CNTLN: variants seen among roughly 807,000 people sequenced by gnomAD.
CNTLN encodes centlein.
A neutral mutation model predicts 180.0 loss-of-function variants in CNTLN; 212 were observed. The observed-to-expected ratio is 1.18, with a 90% CI of 1.05 to 1.32. The LOEUF (loss-of-function observed/expected upper bound fraction) is 1.32, where lower values mean the gene tolerates loss of function less well. Ranked by LOEUF, CNTLN falls within the 40% of genes most tolerant of loss-of-function variation. The pLI is 0.00. For missense variants in CNTLN, 2,095 were observed against 1,610.9 expected, an observed-to-expected ratio of 1.30 and a Z score of -5.14; for synonymous variants, 722 against 563.1, an observed-to-expected ratio of 1.28 and a Z score of -3.99.
intron 5 of CNTLN, among the ~76,000 whole-genome samples, chr9:17,241,075 G>C (rs535250007): frequency 6.6e-6 from 1 of 152,102 alleles, no homozygotes; most frequent in Admixed American, 6.5e-5. Context: ...AGCCAGGATG[G>C]TCTCGATCTC....
At chr9:17,204,710 A>T (rs1376785319) in intron 2 of CNTLN, among the ~76,000 whole-genome samples, 1 of 152,142 alleles carries the variant, frequency 6.6e-6, no homozygotes, top group Non-Finnish European at 1.5e-5. Context: ...TTGCTGGGAG[A>T]ATCACTATTG....
intron 5 of CNTLN, among the ~76,000 whole-genome samples, chr9:17,260,394 A>T (rs920151054): frequency 6.6e-6 from 1 of 151,310 alleles, no homozygotes; most frequent in Non-Finnish European, 1.5e-5. Flanking sequence ...CTTTACTTCC[A>T]AATATGTGGC....
chr9:17,364,412 T>A, intron 12 of CNTLN, among the ~76,000 whole-genome samples: 1 of 152,236 alleles, frequency 6.6e-6, no homozygotes, highest in African/African-American at 2.4e-5. Flanking sequence ...TGGTATTATG[T>A]TATTATTATT....
At position 17,135,241 on chromosome 9, in the gene CNTLN, G is replaced by C. The variant is rs762108487; in HGVS notation, c.176G>C (p.Gly59Ala). 7 of 1,608,136 alleles carry C rather than the reference G, an allele frequency of 4.4e-6. No individual in the cohort carries two copies. The highest frequency in any genetic ancestry group is 5.9e-6 in the Non-Finnish European group (7 of 1,177,680). ...GACGAAAGTGATAAAATCTGGGTGG[G>C]TGAAGAAGGGTCAGGGGGCCGGCGA... ...VADESDKIWVGEEGSGGRRGP... is the reference protein window; with the variant it reads ...VADESDKIWVAEEGSGGRRGP... Residue 59 changes from glycine (G) to alanine (A), a missense_variant, in exon 1 of 26, where the codon GGT (glycine) becomes GCT (alanine). Physicochemically the swap from Gly to Ala is moderately conservative, Grantham distance 60. Coordinates refer to ENST00000380647, the MANE Select transcript of CNTLN (RefSeq NM_017738.4).
intron 18 of CNTLN, among the ~76,000 whole-genome samples, chr9:17,420,865 T>A (rs1828663704): frequency 6.6e-6 from 1 of 152,210 alleles, no homozygotes; most frequent in Non-Finnish European, 1.5e-5. Flanking sequence ...GTTTCTATAA[T>A]TTCCAAAGTT....
intron 3 of CNTLN, 53 bp downstream of exon 3, chr9:17,226,340 G>A: frequency 2.1e-6 from 2 of 962,170 alleles, no homozygotes; most frequent in East Asian, 6.0e-5. Flanking sequence ...TTGGGTAGTA[G>A]ATCTTCAAAA....
At position 17,428,870 on chromosome 9, in the gene CNTLN, A is replaced by T. The variant is rs1157411893; in HGVS notation, c.3114+12681A>T. On this transcript the variant is annotated intron_variant, in intron 18 of 25. Transcript: ENST00000380647. ...AAAATCAGAATAGCATATATATTAA[A>T]TGATTAAGAACTTTAATCATTGGAT... 2.0e-5 allele frequency among the ~76,000 whole-genome samples: 3 copies of T among 152,114 alleles called. No homozygotes were observed. The East Asian group carries it at 5.8e-4, about 29-fold the overall frequency.
intron 2 of CNTLN, among the ~76,000 whole-genome samples, chr9:17,145,158 T>G (rs1254593383): frequency 3.9e-5 from 6 of 152,216 alleles, no homozygotes; most frequent in Non-Finnish European, 8.8e-5. Flanking sequence ...TTTATTAAAA[T>G]GAAGATCTCT....
At chr9:17,349,742 C>A (rs1225014674) in intron 12 of CNTLN, among the ~76,000 whole-genome samples, 1 of 151,988 alleles carries the variant, frequency 6.6e-6, no homozygotes, top group Non-Finnish European at 1.5e-5. Context: ...ATAAAAAGGC[C>A]AAGAACTTAG....
At chr9:17,290,205 G>T (rs982107748) in intron 6 of CNTLN, among the ~76,000 whole-genome samples, 35 of 152,090 alleles carry the variant, frequency 2.3e-4, no homozygotes, top group African/African-American at 8.5e-4. Flanking sequence ...TGTCCTTTCT[G>T]TTTGTTAGTT....
chr9:17,228,346 A>C (rs897207166), intron 3 of CNTLN, among the ~76,000 whole-genome samples: 19 of 152,048 alleles, frequency 1.2e-4, no homozygotes, highest in African/African-American at 4.6e-4. Context: ...ATAACATATT[A>C]AACTCTCATA....
chr9:17,336,271 T>G (rs1472022581), intron 10 of CNTLN, among the ~76,000 whole-genome samples: 1 of 152,184 alleles, frequency 6.6e-6, no homozygotes, highest in Non-Finnish European at 1.5e-5. Context: ...AGAAAGTATT[T>G]GGATATTTTG....
chr9:17,263,426 T>C (rs1827164102), intron 5 of CNTLN, among the ~76,000 whole-genome samples: 1 of 151,234 alleles, frequency 6.6e-6, no homozygotes, highest in South Asian at 2.1e-4. Flanking sequence ...CCACATTTTC[T>C]TAATCCAGTC....
intron 2 of CNTLN, among the ~76,000 whole-genome samples, chr9:17,161,750 G>C (rs1416070602): frequency 1.3e-5 from 2 of 152,154 alleles, no homozygotes; most frequent in Non-Finnish European, 2.9e-5. Context: ...ATCCAACAAT[G>C]TGCTGTCCTG....
intron 6 of CNTLN, among the ~76,000 whole-genome samples, chr9:17,292,418 C>T (rs1389016700): frequency 6.6e-6 from 1 of 152,140 alleles, no homozygotes; most frequent in Non-Finnish European, 1.5e-5. Flanking sequence ...GTTCTGTTCT[C>T]CCCATCTCTT....
At chr9:17,209,533 C>G (rs1414031143) in intron 2 of CNTLN, among the ~76,000 whole-genome samples, 1 of 152,156 alleles carries the variant, frequency 6.6e-6, no homozygotes, top group Non-Finnish European at 1.5e-5. Context: ...AAGCCTCCAG[C>G]TATTCTTGTA....
intron 2 of CNTLN, among the ~76,000 whole-genome samples, chr9:17,208,929 T>C (rs1246263919): frequency 6.6e-6 from 1 of 152,202 alleles, no homozygotes; most frequent in South Asian, 2.1e-4. Context: ...ATTGTTCTTT[T>C]TCTGTTTCAA....
At chr9:17,516,022 T>G in the CNTLN span, among the ~76,000 whole-genome samples, 1 of 152,176 alleles carries the variant, frequency 6.6e-6, no homozygotes, top group Non-Finnish European at 1.5e-5. Context: ...AGTGGCCTCA[T>G]CAAACACACT....
At chr9:17,372,737 C>T (rs1473449184) in intron 13 of CNTLN, among the ~76,000 whole-genome samples, 1 of 152,132 alleles carries the variant, frequency 6.6e-6, no homozygotes, top group African/African-American at 2.4e-5. Flanking sequence ...CTGCAAGATA[C>T]TAGCAAGCTG....
Sources: allele counts gnomAD v4.1 joint callset (sites outside exome capture counted in the v4.1 genomes callset), GRCh38; gene constraint gnomAD v4.1.1; transcripts MANE v1.5; gene names NCBI Gene and HGNC (gene_info 2026-07-23, HGNC 2026-07-21).